The following SEC23B variants were observed in gnomAD, a reference collection of about 807,000 sequenced individuals.
The protein encoded by SEC23B is protein transport protein Sec23B.
SEC23B carries 77 observed loss-of-function variants against 104.3 expected under a neutral mutation model. That is an observed-to-expected ratio of 0.74 (90% confidence interval 0.61 to 0.89). SEC23B has a LOEUF of 0.89. SEC23B is among the 40% of genes least tolerant of loss of function. The probability of loss-of-function intolerance (pLI) is 0.00; values close to 1 mark genes in which losing one functional copy is unlikely to be tolerated. For missense variants in SEC23B, 885 were observed against 949.4 expected (o/e 0.93, Z 0.89); for synonymous variants, 338 against 332.5 (o/e 1.02, Z -0.18).
rs1021492219 is a variant in SEC23B at position 18,525,771 on chromosome 20, C to T, written c.690-17C>T. On this transcript the variant is annotated splice_polypyrimidine_tract_variant and intron_variant, in intron 6 of 19. Transcript: ENST00000650089. ...CTTTATTCAATCTGGGTTGATGTGT[C>T]TGTTAAAATCTTGCAGATTTCTGCA... The T allele has an allele frequency of 1.2e-6, 2 of 1,613,934 alleles. No homozygotes were observed. Among genetic ancestry groups the T allele is most frequent in the African/African-American group, 2.7e-5 (2 of 74,904 alleles).
At chr20:18,523,086 A>AG (rs398121240) in intron 4 of SEC23B, among the ~76,000 whole-genome samples, 1 of 150,670 alleles carries the variant, frequency 6.6e-6, no homozygotes, top group Non-Finnish European at 1.5e-5. Context: ...AGAAAAAAAA[A>AG]TCATGTTACT....
At chr20:18,543,417 G>A (rs2060306833) in intron 14 of SEC23B, among the ~76,000 whole-genome samples, 1 of 152,162 alleles carries the variant, frequency 6.6e-6, no homozygotes, top group African/African-American at 2.4e-5. Context: ...AATCTGTGTG[G>A]GTTGAGTTGA....
At chr20:18,508,594 A>T (rs1377172362) in intron 1 of SEC23B, among the ~76,000 whole-genome samples, 2 of 151,690 alleles carry the variant, frequency 1.3e-5, no homozygotes, top group Non-Finnish European at 2.9e-5. Context: ...GTCCCCTTGG[A>T]TTATGTGTCC....
chr20:18,556,310 T>C (rs2060437999), intron 19 of SEC23B, among the ~76,000 whole-genome samples: 1 of 152,164 alleles, frequency 6.6e-6, no homozygotes, highest in Admixed American at 6.5e-5. Context: ...TATATGCAAA[T>C]GCTACACCAT....
rs2060488811 is a variant in SEC23B, at chr20:18,561,144, G to A, written c.*404G>A. Reference sequence around the variant, plus strand: ...CTGAGGTCTCTGTGTGAGTGTGTATGTGTTTTAAGTGACTTCCTTAAGAGG... The same window carrying A: ...CTGAGGTCTCTGTGTGAGTGTGTATATGTTTTAAGTGACTTCCTTAAGAGG... On this transcript the variant is annotated 3_prime_UTR_variant, in exon 20 of 20. Transcript: ENST00000650089. 1 of 261,712 alleles carries A rather than the reference G, an allele frequency of 3.8e-6. No homozygotes were observed. The highest frequency in any genetic ancestry group is 2.3e-5 in the African/African-American group (1 of 43,738). 16.2% of individuals were successfully genotyped at this position (261,712 alleles called of 1,614,324 possible).
intron 12 of SEC23B, among the ~76,000 whole-genome samples, chr20:18,540,867 ATAGAGTCACCAGC>A (rs1208207719): frequency 6.6e-6 from 1 of 152,148 alleles, no homozygotes; most frequent in Non-Finnish European, 1.5e-5. Context: ...GAAAAACCAA[ATAGAGTCACCAGC>A]TGCATTAGAT....
At chr20:18,509,743 A>ATGGG (rs2059965185) in intron 1 of SEC23B, 1 of 152,154 alleles carries the variant, frequency 6.6e-6, no homozygotes, top group Non-Finnish European at 1.5e-5. Flanking sequence ...ACGTGCCACC[A>ATGGG]CACCTGGCTA....
intron 12 of SEC23B, among the ~76,000 whole-genome samples, 187 bp downstream of exon 12, chr20:18,535,929 A>G (rs1445739369): frequency 3.3e-5 from 5 of 152,216 alleles, no homozygotes; most frequent in African/African-American, 1.2e-4. Flanking sequence ...GTCAGGCAAC[A>G]AATTACTTTT....
intron 19 of SEC23B, among the ~76,000 whole-genome samples, chr20:18,559,510 A>T (rs1001196844): frequency 6.6e-6 from 1 of 151,948 alleles, no homozygotes; most frequent in African/African-American, 2.4e-5. Context: ...CTGCCTTGTG[A>T]GGGTAGAAAT....
At chr20:18,557,245 G>A (rs2060447966) in intron 19 of SEC23B, among the ~76,000 whole-genome samples, 1 of 152,038 alleles carries the variant, frequency 6.6e-6, no homozygotes, top group Admixed American at 6.5e-5. Context: ...TGACTTGTTT[G>A]TAATGTTTTT....
intron 4 of SEC23B, among the ~76,000 whole-genome samples, chr20:18,519,429 T>G (rs577746228): frequency 1.3e-5 from 2 of 152,292 alleles, no homozygotes; most frequent in African/African-American, 4.8e-5. Flanking sequence ...GAGCATAGTT[T>G]GTGATTTTGA....
intron 12 of SEC23B, among the ~76,000 whole-genome samples, chr20:18,538,475 G>C (rs1476725446): frequency 6.6e-6 from 1 of 151,744 alleles, no homozygotes; most frequent in Admixed American, 6.6e-5. Context: ...GGATGGTCTC[G>C]ATCTCCTGAC....
chr20:18,558,366 A>C (rs753124769), intron 19 of SEC23B, among the ~76,000 whole-genome samples: 10 of 152,150 alleles, frequency 6.6e-5, no homozygotes, highest in Admixed American at 4.6e-4. Context: ...CAGAGAAGAA[A>C]GTGTAATTAT....
chr20:18,525,807 A>G lies in SEC23B; in HGVS notation c.709A>G (p.Lys237Glu). ...ASSRFLQPVH[K>E]IDMNLTDLLG... ...TTGCAGATTTCTGCAGCCTGTTCAC[A>G]AGATTGATATGAACCTCACTGATCT... Residue 237 changes from lysine (K) to glutamate (E), a missense_variant, in exon 7 of 20, where the codon AAG becomes GAG. By Grantham distance (56) the Lys-to-Glu change is moderately conservative (BLOSUM62 1). Coordinates refer to ENST00000650089, the MANE Select transcript of SEC23B (RefSeq NM_006363.6). 1.4e-5 allele frequency: 22 copies of G among 1,614,208 alleles called. No individual in the cohort carries two copies. Among genetic ancestry groups the G allele is most frequent in the Non-Finnish European group, 1.9e-5 (22 of 1,180,026 alleles).
rs2060304076 is a variant in SEC23B at position 18,543,132 on chromosome 20, C to T, written c.1625C>T (p.Pro542Leu). The change falls in exon 14 of 20, where the codon CCC (proline) becomes CTC (leucine). Residue 542 changes from proline to leucine, a missense_variant. Transcript: ENST00000650089. ...TTCCGAGCGGAGTCAGAGGAGGGGC[C>T]CGATGTGCTCCGGTGGCTGGACCGA... ...GVFRAESEEG[P>L]DVLRWLDRQL... is the part of the protein sequence containing the mutation. 6.8e-6 allele frequency: 11 copies of T among 1,614,000 alleles called. No homozygotes were observed. Among genetic ancestry groups the T allele is most frequent in the African/African-American group, 1.3e-5 (1 of 74,888 alleles).
chr20:18,512,163 A>T, intron 2 of SEC23B, 62 bp from the exon 3 acceptor site: 2 of 1,064,674 alleles, frequency 1.9e-6, no homozygotes. Context: ...CTACCTTAAA[A>T]ATAAAAATTT....
At position 18,537,395 on chromosome 20, in the gene SEC23B, G is replaced by A. The variant is rs565828795; in HGVS notation, c.1404+1653G>A. Among the ~76,000 whole-genome samples the A allele has an allele frequency of 8.6e-5, 13 of 151,816 alleles. No homozygotes were observed. In the East Asian group the frequency reaches 2.3e-3, roughly 27 times the overall value. On this transcript the variant is annotated intron_variant, in intron 12 of 19. Transcript: ENST00000650089. Reference sequence around the variant, plus strand: ...GAAAATGTGGCACATATACACCATGGAATACTATGCAGCCATAAAAAACGA... The same window carrying A: ...GAAAATGTGGCACATATACACCATGAAATACTATGCAGCCATAAAAAACGA...
intron 4 of SEC23B, among the ~76,000 whole-genome samples, chr20:18,522,578 G>A (rs6132074): frequency 0.92 from 140,561 of 152,160 alleles, 65,839 homozygotes; most frequent in East Asian, 1. Flanking sequence ...CTCTTCACGG[G>A]GTGAGGGTGA....
At chr20:18,511,088 TA>T in intron 2 of SEC23B, 32 bp downstream of exon 2, 1 of 1,477,968 alleles carries the variant, frequency 6.8e-7, no homozygotes, top group Non-Finnish European at 9.5e-7. Context: ...GTAAAAATGA[TA>T]AATACAATAT....
Sources: gnomAD v4.1 joint callset for allele counts (sites outside exome capture counted in the v4.1 genomes callset) on GRCh38, gnomAD v4.1.1 for gene constraint, MANE v1.5 for transcripts, NCBI Gene and HGNC (gene_info 2026-07-23, HGNC 2026-07-21) for gene names.